Variants in PHKB observed in about 807,000 individuals in gnomAD.
PHKB encodes the protein phosphorylase b kinase regulatory subunit beta.
PHKB carries 122 observed loss-of-function variants against 152.1 expected under a neutral mutation model. That is an observed-to-expected ratio of 0.80 (90% CI 0.69 to 0.93). The LOEUF is 0.93. Among genes scored for constraint, PHKB ranks in the 40% least tolerant of loss-of-function variants. The pLI is 0.00. For synonymous variants in PHKB, 436 were observed against 464.9 expected (o/e 0.94, Z 0.80); for missense variants, 1,304 against 1,328.4 (o/e 0.98, Z 0.29).
chr16:47,479,270 T>C (rs977509187), intron 1 of PHKB, among the ~76,000 whole-genome samples: 7 of 152,204 alleles, frequency 4.6e-5, no homozygotes, highest in Non-Finnish European at 7.3e-5. Flanking sequence ...GATGCAAAGA[T>C]CTTAAAGCAA....
intron 13 of PHKB, among the ~76,000 whole-genome samples, chr16:47,601,722 A>G (rs986046471): frequency 1.3e-5 from 2 of 151,466 alleles, no homozygotes; most frequent in Non-Finnish European, 2.9e-5. Context: ...AAAAAAACTG[A>G]CTTCTAGACT....
At chr16:47,553,610 A>T (rs1017320213) in intron 7 of PHKB, among the ~76,000 whole-genome samples, 2 of 152,098 alleles carry the variant, frequency 1.3e-5, no homozygotes, top group African/African-American at 2.4e-5. Flanking sequence ...GGAGGAGAAG[A>T]GGCTAATGGT....
chr16:47,551,464 G>A (rs2151675000), intron 7 of PHKB, among the ~76,000 whole-genome samples: 1 of 152,168 alleles, frequency 6.6e-6, no homozygotes, highest in Middle Eastern at 3.4e-3. Context: ...CCTTCATTTT[G>A]TAATTTACCC....
intron 6 of PHKB, among the ~76,000 whole-genome samples, chr16:47,540,922 T>C (rs1971046297): frequency 6.7e-6 from 1 of 149,330 alleles, no homozygotes. Context: ...CTGCCTCCTG[T>C]GTTCAAGCGA....
At chr16:47,655,069 C>G (rs1973310928) in intron 20 of PHKB, among the ~76,000 whole-genome samples, 1 of 152,026 alleles carries the variant, frequency 6.6e-6, no homozygotes, top group South Asian at 2.1e-4. Flanking sequence ...AAAATTCAGT[C>G]ACCAAAATTG....
At chr16:47,669,702 C>T (rs949503223) in intron 26 of PHKB, among the ~76,000 whole-genome samples, 1 of 152,152 alleles carries the variant, frequency 6.6e-6, no homozygotes, top group South Asian at 2.1e-4. Flanking sequence ...TCGTGTAAAA[C>T]GCTAAGCACA....
At position 47,686,874 on chromosome 16, in the gene PHKB, C is replaced by T. The variant is rs528504061; in HGVS notation, c.2631-2167C>T. On this transcript the variant is annotated intron_variant, in intron 26 of 30. Transcript: ENST00000323584. ...AATAATCCCAATACCATTATCATAC[C>T]CACCAAAATTAGCAGTAATTTTTTT... 4.3e-4 allele frequency among the ~76,000 whole-genome samples: 65 copies of T among 152,192 alleles called. 1 individual carries two copies. In the South Asian group the frequency reaches 7.3e-3, roughly 17 times the overall value.
At chr16:47,465,476 A>G (rs1209140662) in intron 1 of PHKB, among the ~76,000 whole-genome samples, 1 of 152,238 alleles carries the variant, frequency 6.6e-6, no homozygotes, top group East Asian at 1.9e-4. Flanking sequence ...CTGTATCATC[A>G]AATTGAAATA....
chr16:47,573,753 T>TG (rs1011832916), intron 7 of PHKB, among the ~76,000 whole-genome samples: 38 of 152,296 alleles, frequency 2.5e-4, no homozygotes, highest in Admixed American at 5.9e-4. Flanking sequence ...TTCTGATCAA[T>TG]GGGGTTTATA....
chr16:47,512,146 G>T (rs929401202), intron 5 of PHKB, among the ~76,000 whole-genome samples: 6 of 152,144 alleles, frequency 3.9e-5, no homozygotes, highest in African/African-American at 7.2e-5. Context: ...TGGCCCAGGG[G>T]TGGGGGAGCC....
rs372392124 is a variant in PHKB at position 47,596,677 on chromosome 16, T to C, written c.1363+146T>C. 3.5e-3 allele frequency: 2,467 copies of C among 699,686 alleles called. 80 individuals are homozygous for C. The South Asian group carries it at 0.04, about 11-fold the overall frequency. 43.3% of individuals were successfully genotyped at this position (699,686 alleles called of 1,614,324 possible). On this transcript the variant is annotated intron_variant, in intron 13 of 30. Coordinates refer to ENST00000323584, the MANE Select transcript of PHKB (RefSeq NM_000293.3). ...TAGGGAGTTTCCTAGTATCTAGTGGTATATTAATATATCTATTTCACTGAA... is the reference window on the plus strand; with the variant it reads ...TAGGGAGTTTCCTAGTATCTAGTGGCATATTAATATATCTATTTCACTGAA...
At chr16:47,496,408 C>T (rs1455301955) in intron 1 of PHKB, among the ~76,000 whole-genome samples, 1 of 151,470 alleles carries the variant, frequency 6.6e-6, no homozygotes, top group African/African-American at 2.4e-5. Flanking sequence ...TTTAAACTAG[C>T]GTGTTGGACA....
At chr16:47,540,342 G>A (rs904546455) in intron 6 of PHKB, among the ~76,000 whole-genome samples, 2 of 147,672 alleles carry the variant, frequency 1.4e-5, no homozygotes, top group Middle Eastern at 3.4e-3. Flanking sequence ...GACAATACGT[G>A]CACAGCTGAA....
chr16:47,640,331 T>C (rs1486070819), intron 14 of PHKB, among the ~76,000 whole-genome samples: 1 of 152,190 alleles, frequency 6.6e-6, no homozygotes, highest in African/African-American at 2.4e-5. Context: ...TTCTTAATGT[T>C]CTCTGTTAAT....
At chr16:47,657,929 A>G (rs1973367342) in intron 20 of PHKB, among the ~76,000 whole-genome samples, 1 of 152,156 alleles carries the variant, frequency 6.6e-6, no homozygotes, top group Non-Finnish European at 1.5e-5. Context: ...TCATGGTCCA[A>G]GCTACCATTG....
intron 6 of PHKB, among the ~76,000 whole-genome samples, chr16:47,518,255 G>A (rs1970629678): frequency 6.6e-6 from 1 of 152,060 alleles, no homozygotes; most frequent in Admixed American, 6.6e-5. Context: ...TCAGAGTTTG[G>A]AGATATACAT....
At chr16:47,653,807 C>G (rs990286944) in intron 20 of PHKB, among the ~76,000 whole-genome samples, 1 of 151,968 alleles carries the variant, frequency 6.6e-6, no homozygotes, top group South Asian at 2.1e-4. Flanking sequence ...AAGACTATTA[C>G]AAAAATGTGA....
rs1221263448 is a variant in PHKB at position 47,660,639 on chromosome 16, T to A, written c.2034-18T>A. Reference sequence around the variant, plus strand: ...TTAGAAAAGCAGAAAATATGAAACCTTTTCTTTTAATTTTTAGGCTTCCAG... The same window carrying A: ...TTAGAAAAGCAGAAAATATGAAACCATTTCTTTTAATTTTTAGGCTTCCAG... On this transcript the variant is annotated intron_variant, in intron 21 of 30. Coordinates refer to ENST00000323584, the MANE Select transcript of PHKB (RefSeq NM_000293.3). 6.2e-7 allele frequency: 1 copy of A among 1,613,570 alleles called. No individual in the cohort carries two copies. The highest frequency in any genetic ancestry group is 8.5e-7 in the Non-Finnish European group (1 of 1,179,604).
chr16:47,582,015 T>C (rs1267902273), intron 8 of PHKB, among the ~76,000 whole-genome samples: 1 of 152,110 alleles, frequency 6.6e-6, no homozygotes. Flanking sequence ...GTAATAGTAA[T>C]ACAAAGGAAG....
Sources: gnomAD v4.1 joint callset for allele counts (sites outside exome capture counted in the v4.1 genomes callset) on GRCh38, gnomAD v4.1.1 for gene constraint, MANE v1.5 for transcripts, NCBI Gene and HGNC (gene_info 2026-07-23, HGNC 2026-07-21) for gene names.